The following C10orf90 variants were observed in gnomAD, a reference collection of about 807,000 sequenced individuals.
The protein encoded by C10orf90 is (E2-independent) E3 ubiquitin-conjugating enzyme FATS.
Under a neutral mutation model 62.5 loss-of-function variants are expected in C10orf90, and 56 were observed. The ratio of observed to expected loss-of-function variants is 0.90; its 90% CI spans 0.72 to 1.12. C10orf90 has a LOEUF of 1.12. Among genes scored for constraint, C10orf90 ranks in the 50% most tolerant of loss-of-function variants. The pLI is 0.00. For missense variants in C10orf90, 970 were observed against 880.4 expected (o/e 1.10, Z -1.29); for synonymous variants, 386 against 340.4 (o/e 1.13, Z -1.47).
chr10:126,639,316 T>C (rs1846014659), intron 2 of C10orf90, among the ~76,000 whole-genome samples: 1 of 152,200 alleles, frequency 6.6e-6, no homozygotes, highest in Non-Finnish European at 1.5e-5. Flanking sequence ...GATGTGCGGT[T>C]GCTGCTCAGC....
chr10:126,555,032 A>G (rs150839766), intron 2 of C10orf90, among the ~76,000 whole-genome samples: 2 of 152,308 alleles, frequency 1.3e-5, no homozygotes, highest in African/African-American at 4.8e-5. Context: ...TTCAGGGAAG[A>G]CAATCTGATT....
chr10:126,591,373 G>A (rs116325126), intron 2 of C10orf90, among the ~76,000 whole-genome samples: 340 of 152,276 alleles, frequency 2.2e-3, no homozygotes, highest in African/African-American at 7.6e-3. Context: ...TCATCTCTGC[G>A]ATACAAGGTT....
chr10:126,561,157 A>G (rs1236911606), intron 2 of C10orf90, among the ~76,000 whole-genome samples: 1 of 152,166 alleles, frequency 6.6e-6, no homozygotes, highest in East Asian at 1.9e-4. Flanking sequence ...TGTGCAGCCA[A>G]AGGTACCATA....
Position 126,504,484 on chromosome 10 carries a change from G to T in C10orf90, c.1007C>A (p.Pro336Gln). 6.2e-7 allele frequency: 1 copy of T among 1,614,180 alleles called. No homozygotes were observed. Among genetic ancestry groups the T allele is most frequent in the Non-Finnish European group, 8.5e-7 (1 of 1,180,026 alleles). ...DKETSFSPDT[P>Q]LSGKSPLVFS... is the part of the protein sequence containing the mutation. ...CACCAGCGGGCTCTTTCCTGACAGT[G>T]GGGTGTCTGGAGAAAAACTGGTCTC... is the stretch of plus-strand genomic sequence containing the variant. The change falls in exon 4 of 10, where the codon CCA (proline) becomes CAA (glutamine). Residue 336 changes from proline to glutamine, a missense_variant. Physicochemically the swap from Pro to Gln is moderately conservative, Grantham distance 76. Coordinates refer to ENST00000488181, the MANE Select transcript of C10orf90 (RefSeq NM_001350921.2). The surrounding 1 kb of genome is among the most constrained non-coding windows in gnomAD (Gnocchi z 4.1).
chr10:126,439,664 C>T (rs1369422756), intron 7 of C10orf90, among the ~76,000 whole-genome samples: 1 of 151,726 alleles, frequency 6.6e-6, no homozygotes, highest in African/African-American at 2.4e-5. Flanking sequence ...AAGGATATAA[C>T]AAATGAAATT....
rs185454800 is a variant in C10orf90 at position 126,432,480 on chromosome 10, A to T, written c.2189-2630T>A. Among the ~76,000 whole-genome samples the T allele has an allele frequency of 3.9e-3, 591 of 152,322 alleles. 2 individuals are homozygous for T. The highest frequency in any genetic ancestry group is 0.013 in the African/African-American group (557 of 41,570). ...TTGGGAGAAGCTGGACAAGTCAAAA[A>T]CCAGCTAAAGTATCCGGCAAATGCT... On this transcript the variant is annotated intron_variant, in intron 7 of 9. Coordinates refer to ENST00000488181, the MANE Select transcript of C10orf90 (RefSeq NM_001350921.2).
In C10orf90 at chr10:126,655,245, G is replaced by C. The variant is rs566510083; in HGVS notation, c.241-8608C>G. On this transcript the variant is annotated intron_variant, in intron 1 of 9. Coordinates refer to ENST00000488181, the MANE Select transcript of C10orf90 (RefSeq NM_001350921.2). The stretch of plus-strand genomic sequence containing the variant: ...AGGCAGGGGAATCGCTTGAACCCAG[G>C]AGGCGGAGGTGGCAGTGGGCCGAGA... Among the ~76,000 whole-genome samples the C allele has an allele frequency of 5.7e-3, 869 of 152,256 alleles. 3 individuals carry two copies. The highest frequency in any genetic ancestry group is 0.017 in the Middle Eastern group (5 of 294).
At chr10:126,591,520 C>G (rs1454319973) in intron 2 of C10orf90, among the ~76,000 whole-genome samples, 1 of 152,004 alleles carries the variant, frequency 6.6e-6, no homozygotes, top group Non-Finnish European at 1.5e-5. Flanking sequence ...AAACTCTCAG[C>G]AGACTAGGTA....
intron 2 of C10orf90, among the ~76,000 whole-genome samples, chr10:126,644,643 G>A (rs755854471): frequency 1.3e-5 from 2 of 152,296 alleles, no homozygotes; most frequent in Non-Finnish European, 2.9e-5. Flanking sequence ...TCTAGCCTCC[G>A]GCCAACATGG....
At chr10:126,460,227 C>G (rs1463746532) in intron 6 of C10orf90, among the ~76,000 whole-genome samples, 2 of 152,194 alleles carry the variant, frequency 1.3e-5, no homozygotes, top group Non-Finnish European at 2.9e-5. Context: ...CACCGATGGG[C>G]TTGAGCAACA....
intron 3 of C10orf90, among the ~76,000 whole-genome samples, chr10:126,505,844 C>T (rs1862700553): frequency 6.6e-6 from 1 of 152,174 alleles, no homozygotes; most frequent in Non-Finnish European, 1.5e-5. Context: ...ATCCCAGCTA[C>T]TCGGGAGGCT....
chr10:126,561,495 G>A (rs942066928), intron 2 of C10orf90, among the ~76,000 whole-genome samples: 1 of 152,168 alleles, frequency 6.6e-6, no homozygotes, highest in African/African-American at 2.4e-5. Flanking sequence ...TGCTACACAA[G>A]TTTCTGCTGA....
At chr10:126,628,514 C>G (rs1481986131) in intron 2 of C10orf90, among the ~76,000 whole-genome samples, 1 of 152,118 alleles carries the variant, frequency 6.6e-6, no homozygotes, top group East Asian at 1.9e-4. Flanking sequence ...GACTCACCAT[C>G]AGCCCTCTGC....
intron 2 of C10orf90, among the ~76,000 whole-genome samples, chr10:126,614,055 A>G (rs1845492867): frequency 6.6e-6 from 1 of 152,194 alleles, no homozygotes; most frequent in African/African-American, 2.4e-5. Flanking sequence ...TGTCCTCATC[A>G]CACTTCTCAT....
At position 126,522,289 on chromosome 10, in the gene C10orf90, A is replaced by AC. The variant is rs56339710; in HGVS notation, c.314-8351_314-8350insG. On this transcript the variant is annotated intron_variant, in intron 2 of 9. Transcript: ENST00000488181. The stretch of plus-strand genomic sequence containing the variant: ...ATTTCAAAAACAAACAAACAAACAA[A>AC]AAAAGAGATGGCACTGGTACAGATG... 1.5e-4 allele frequency among the ~76,000 whole-genome samples: 23 copies of AC among 150,026 alleles called. No individual in the cohort carries two copies. The South Asian group carries it at 1.9e-3, about 13-fold the overall frequency.
intron 2 of C10orf90, among the ~76,000 whole-genome samples, chr10:126,583,068 G>T (rs189730679): frequency 1.3e-5 from 2 of 152,268 alleles, no homozygotes; most frequent in African/African-American, 4.8e-5. Context: ...CTACTCGCGG[G>T]ACACCAGTAA....
At chr10:126,548,265 G>A (rs772891385) in intron 2 of C10orf90, among the ~76,000 whole-genome samples, 8 of 152,166 alleles carry the variant, frequency 5.3e-5, no homozygotes, top group Non-Finnish European at 1.0e-4. Flanking sequence ...AAGTGGGGCC[G>A]GGCACAGTGG....
intron 1 of C10orf90, among the ~76,000 whole-genome samples, chr10:126,666,358 C>T (rs1457497069): frequency 6.6e-6 from 1 of 152,164 alleles, no homozygotes; most frequent in African/African-American, 2.4e-5. Flanking sequence ...CAAAATCAAA[C>T]ACCAAACAAT....
At chr10:126,636,632 T>A (rs1307096456) in intron 2 of C10orf90, among the ~76,000 whole-genome samples, 3 of 152,226 alleles carry the variant, frequency 2.0e-5, no homozygotes, top group Non-Finnish European at 4.4e-5. Flanking sequence ...GCTGGGAAGC[T>A]GGATATTAAC....
Sources: allele counts gnomAD v4.1 joint callset (sites outside exome capture counted in the v4.1 genomes callset), GRCh38; gene constraint gnomAD v4.1.1; non-coding constraint Gnocchi (gnomAD v3.1); transcripts MANE v1.5; gene names NCBI Gene and HGNC (gene_info 2026-07-23, HGNC 2026-07-21).